The following MBNL1 variants were observed in gnomAD, a reference collection of about 807,000 sequenced individuals.
The protein encoded by MBNL1 is muscleblind-like protein 1.
Under a neutral mutation model 42.2 loss-of-function variants are expected in MBNL1, and 8 were observed. That is an observed-to-expected ratio of 0.19 (90% CI 0.11 to 0.34). The LOEUF is 0.34. Ranked by LOEUF, MBNL1 falls within the 10% of genes least tolerant of loss-of-function variation. The pLI is 1.00. For synonymous variants in MBNL1, 169 were observed against 173.9 expected, an observed-to-expected ratio of 0.97 and a Z score of 0.22; for missense variants, 309 against 495.3, an observed-to-expected ratio of 0.62 and a Z score of 3.57.
chr3:152,367,871 G>GT (rs1000979553), intron 2 of MBNL1, among the ~76,000 whole-genome samples: 22 of 150,556 alleles, frequency 1.5e-4, no homozygotes, highest in Non-Finnish European at 2.5e-4. Context: ...CTTTTTGATG[G>GT]TTTTTTTTTC....
At chr3:152,343,512 A>G (rs1009290600) in intron 2 of MBNL1, among the ~76,000 whole-genome samples, 6 of 152,114 alleles carry the variant, frequency 3.9e-5, no homozygotes, top group African/African-American at 1.4e-4. Context: ...TGGGCACCCA[A>G]TGCATGTTTG....
chr3:152,429,410 A>AT (rs2098977234), intron 3 of MBNL1, among the ~76,000 whole-genome samples: 1 of 152,238 alleles, frequency 6.6e-6, no homozygotes, highest in Non-Finnish European at 1.5e-5. Flanking sequence ...GCAAAAGGCA[A>AT]TTATAAACCA....
At chr3:152,380,480 A>G (rs2097135003) in intron 2 of MBNL1, among the ~76,000 whole-genome samples, 2 of 152,100 alleles carry the variant, frequency 1.3e-5, no homozygotes, top group African/African-American at 4.8e-5. Flanking sequence ...AAACTTTCCA[A>G]TTGTTAATTG....
At position 152,300,067 on chromosome 3, in the gene MBNL1, G is replaced by C; in HGVS notation, c.-127G>C. Reference sequence around the variant, plus strand: ...CCATGTACTTTTAAAGCAGGGAGTGGGGAAAAGTATTTTGAGGGGACATTT... The same window carrying C: ...CCATGTACTTTTAAAGCAGGGAGTGCGGAAAAGTATTTTGAGGGGACATTT... On this transcript the variant is annotated 5_prime_UTR_variant, in exon 2 of 10. Transcript: ENST00000324210. 1.8e-6 allele frequency: 1 copy of C among 566,274 alleles called. No homozygotes were observed. Among genetic ancestry groups the C allele is most frequent in the Non-Finnish European group, 3.1e-6 (1 of 322,710 alleles). 35.1% of individuals were successfully genotyped at this position (566,274 alleles called of 1,614,324 possible).
intron 2 of MBNL1, among the ~76,000 whole-genome samples, chr3:152,315,866 A>ACTCT (rs113762203): frequency 2.0e-5 from 3 of 149,090 alleles, no homozygotes; most frequent in South Asian, 2.2e-4. Flanking sequence ...ACACACACAC[A>ACTCT]CTCTCTCTCT....
At position 152,331,936 on chromosome 3, in the gene MBNL1, C is replaced by T. The variant is rs541378841; in HGVS notation, c.174+31569C>T. 1.1e-4 allele frequency among the ~76,000 whole-genome samples: 16 copies of T among 152,222 alleles called. No individual in the cohort carries two copies. In the East Asian group the frequency reaches 2.9e-3, roughly 28 times the overall value. ...TGAACTCTTGACCTCAAGTGATCCA[C>T]CCGCCTCAGCCTCCCAAAGTGCTGG... On this transcript the variant is annotated intron_variant, in intron 2 of 9. Coordinates refer to ENST00000324210, the MANE Select transcript of MBNL1 (RefSeq NM_021038.5).
chr3:152,272,948 C>T (rs965716417), intron 1 of MBNL1, among the ~76,000 whole-genome samples: 3 of 152,112 alleles, frequency 2.0e-5, no homozygotes, highest in East Asian at 1.9e-4. Flanking sequence ...ATTATTTTCT[C>T]GAAGGATGCC....
chr3:152,311,325 G>A (rs1157754935), intron 2 of MBNL1, among the ~76,000 whole-genome samples: 1 of 152,112 alleles, frequency 6.6e-6, no homozygotes, highest in Non-Finnish European at 1.5e-5. Context: ...TATTTTATAA[G>A]AGGCTGAGAT....
chr3:152,405,141 A>G (rs2098394836), intron 2 of MBNL1, among the ~76,000 whole-genome samples: 1 of 152,174 alleles, frequency 6.6e-6, no homozygotes, highest in African/African-American at 2.4e-5. Flanking sequence ...GAAGACTTCC[A>G]TTTGGTTCTG....
At chr3:152,398,502 T>C (rs1163131961) in intron 2 of MBNL1, among the ~76,000 whole-genome samples, 1 of 152,082 alleles carries the variant, frequency 6.6e-6, no homozygotes, top group Non-Finnish European at 1.5e-5. Flanking sequence ...GATGCAAAAA[T>C]ATGGAGTGTA....
chr3:152,281,739 T>G (rs910427938), intron 1 of MBNL1, among the ~76,000 whole-genome samples: 1 of 152,030 alleles, frequency 6.6e-6, no homozygotes, highest in African/African-American at 2.4e-5. Context: ...CCCAAAAGAG[T>G]TTCAAATGCT....
chr3:152,364,881 C>T (rs1282647708), intron 2 of MBNL1, among the ~76,000 whole-genome samples: 2 of 151,114 alleles, frequency 1.3e-5, no homozygotes, highest in African/African-American at 2.4e-5. Flanking sequence ...TTTTCATAAC[C>T]ATTTTTAGAG....
chr3:152,389,456 G>A (rs892610882), intron 2 of MBNL1, among the ~76,000 whole-genome samples: 2 of 152,088 alleles, frequency 1.3e-5, no homozygotes, highest in Admixed American at 6.5e-5. Flanking sequence ...AGGTGATTTT[G>A]TCATTATGTA....
At chr3:152,304,937 C>A (rs1425190877) in intron 2 of MBNL1, among the ~76,000 whole-genome samples, 1 of 152,052 alleles carries the variant, frequency 6.6e-6, no homozygotes, top group Non-Finnish European at 1.5e-5. Context: ...AACCATGTTT[C>A]GAATCAAGCT....
At chr3:152,399,424 C>A (rs2098121828) in intron 2 of MBNL1, among the ~76,000 whole-genome samples, 2 of 152,030 alleles carry the variant, frequency 1.3e-5, no homozygotes, top group African/African-American at 4.8e-5. Flanking sequence ...TATTTCTGAC[C>A]TAGATATCTA....
At chr3:152,367,543 C>A (rs75670708) in intron 2 of MBNL1, among the ~76,000 whole-genome samples, 3,527 of 152,230 alleles carry the variant, frequency 0.023, 229 homozygotes, top group East Asian at 0.23. Flanking sequence ...AGTATATACC[C>A]AGTAATGGGA....
intron 2 of MBNL1, among the ~76,000 whole-genome samples, chr3:152,248,503 T>C (rs1478128710): frequency 6.6e-6 from 1 of 152,062 alleles, no homozygotes; most frequent in Non-Finnish European, 1.5e-5. Flanking sequence ...TATTTTTCTA[T>C]GGTCATAATT....
At chr3:152,278,097 T>C (rs2046338761) in intron 1 of MBNL1, among the ~76,000 whole-genome samples, 1 of 152,144 alleles carries the variant, frequency 6.6e-6, no homozygotes, top group African/African-American at 2.4e-5. Flanking sequence ...AAGATAATGC[T>C]TAGAAAATGC....
chr3:152,357,584 G>T (rs1276486921), intron 2 of MBNL1, among the ~76,000 whole-genome samples: 1 of 152,152 alleles, frequency 6.6e-6, no homozygotes, highest in African/African-American at 2.4e-5. Context: ...GTGATAATTG[G>T]AGTTTTAAGG....
Sources: gnomAD v4.1 joint callset for allele counts (sites outside exome capture counted in the v4.1 genomes callset) on GRCh38, gnomAD v4.1.1 for gene constraint, MANE v1.5 for transcripts, NCBI Gene and HGNC (gene_info 2026-07-23, HGNC 2026-07-21) for gene names.